The following HK1 variants were observed in gnomAD, a reference collection of about 807,000 sequenced individuals.
The protein encoded by HK1 is hexokinase 1.
A neutral mutation model predicts 91.6 loss-of-function variants in HK1; 28 were observed. The ratio of observed to expected loss-of-function variants is 0.31; its 90% CI spans 0.23 to 0.42. The LOEUF is 0.42. Ranked by LOEUF, HK1 falls within the 10% of genes least tolerant of loss-of-function variation. HK1 has a pLI of 1.00. For missense variants in HK1, 770 were observed against 1,219.8 expected (o/e 0.63, Z 5.49); for synonymous variants, 430 against 468.1 (o/e 0.92, Z 1.05).
At chr10:69,378,524 A>G (rs890741861) in intron 8 of HK1, among the ~76,000 whole-genome samples, 1 of 152,210 alleles carries the variant, frequency 6.6e-6, no homozygotes, top group Non-Finnish European at 1.5e-5. Flanking sequence ...TTATTTGCAA[A>G]TGGTAAAAGT....
Position 69,382,790 on chromosome 10 carries a change from C to A in HK1, c.1569C>A (p.Thr523=), listed in dbSNP as rs1000672130. The part of the protein sequence containing the change: ...PSFVRRTPDG[T]ENGDFLALDL... Reference sequence around the variant, plus strand: ...TCGTCCGGAGAACTCCCGACGGGACCGGTGAGGGCCTGCTGGGGGCTGACA... The same window carrying A: ...TCGTCCGGAGAACTCCCGACGGGACAGGTGAGGGCCTGCTGGGGGCTGACA... Residue 523 remains threonine (T), a splice_region_variant and synonymous_variant, in exon 10 of 18, where the codon ACC becomes ACA. Transcript: ENST00000359426. The A allele has an allele frequency of 1.2e-6, 2 of 1,610,030 alleles. No individual in the cohort carries two copies. Among genetic ancestry groups the A allele is most frequent in the South Asian group, 1.1e-5 (1 of 89,798 alleles).
At chr10:69,357,175 T>C (rs186836018) in intron 2 of HK1, among the ~76,000 whole-genome samples, 81 of 152,322 alleles carry the variant, frequency 5.3e-4, no homozygotes, top group African/African-American at 1.9e-3. Flanking sequence ...TTGACAGCGA[T>C]TCTTGTCCTA....
At chr10:69,340,521 G>T (rs1848235909) in intron 1 of HK1, among the ~76,000 whole-genome samples, 1 of 152,030 alleles carries the variant, frequency 6.6e-6, no homozygotes, top group Admixed American at 6.6e-5. Flanking sequence ...AAGTTCTGGG[G>T]TTACAGGCAT....
chr10:69,369,357 C>A lies in HK1; in HGVS notation c.691+21C>A. 1 of 1,613,204 alleles carries A rather than the reference C, an allele frequency of 6.2e-7. No individual in the cohort carries two copies. The highest frequency in any genetic ancestry group is 1.1e-5 in the South Asian group (1 of 91,052). On this transcript the variant is annotated intron_variant, in intron 6 of 17. Transcript: ENST00000359426. The surrounding 1 kb of genome is among the most constrained non-coding windows in gnomAD (Gnocchi z 4.4). ...CATCGGTAATGCATTCCCCTTTGCC[C>A]ATCCATTTGTTCGGCCCATCTTTCC...
chr10:69,283,635 G>A (rs112309554), intron 2 of HK1, among the ~76,000 whole-genome samples: 15,884 of 150,554 alleles, frequency 0.11, 1,611 homozygotes, highest in African/African-American at 0.26. Context: ...ACAAAAATTA[G>A]CCAGGCATGG....
chr10:69,350,188 G>A (rs537133244), intron 2 of HK1, among the ~76,000 whole-genome samples: 6 of 152,296 alleles, frequency 3.9e-5, no homozygotes, highest in Admixed American at 6.5e-5. Context: ...AATCACGATG[G>A]ACAAGATGGG....
At position 69,386,328 on chromosome 10, in the gene HK1, C is replaced by G; in HGVS notation, c.1845C>G (p.Ile615Met). 2 of 1,613,634 alleles carry G rather than the reference C, an allele frequency of 1.2e-6. No individual in the cohort carries two copies. The highest frequency in any genetic ancestry group is 1.7e-6 in the Non-Finnish European group (2 of 1,179,584). ...PCQQTSLDAG[I>M]LITWTKGFKA... ...TGGTGCTTTTTATGTTGTAGGGAAT[C>G]TTGATCACGTGGACAAAGGGTTTTA... Residue 615 changes from isoleucine (I) to methionine (M), a missense_variant, in exon 13 of 18, where the codon ATC (isoleucine) becomes ATG (methionine). Ile to Met is a conservative substitution (Grantham distance 10). Transcript: ENST00000359426.
At chr10:69,319,717 T>C (rs1846895778) in intron 1 of HK1, among the ~76,000 whole-genome samples, 1 of 152,252 alleles carries the variant, frequency 6.6e-6, no homozygotes, top group Non-Finnish European at 1.5e-5. Context: ...TGGACGCCTG[T>C]GGCATGCTTG....
intron 1 of HK1, among the ~76,000 whole-genome samples, chr10:69,331,095 G>C (rs984516727): frequency 7.9e-5 from 12 of 152,098 alleles, no homozygotes; most frequent in African/African-American, 2.7e-4. Flanking sequence ...GACTAGACTG[G>C]TCTCGAACTC....
chr10:69,297,026 G>A (rs2132483754), intron 4 of HK1, among the ~76,000 whole-genome samples: 1 of 152,238 alleles, frequency 6.6e-6, no homozygotes. Context: ...CAATGAGGGG[G>A]TTATGGACAC....
chr10:69,399,578 T>G (rs1840294596), intron 17 of HK1, among the ~76,000 whole-genome samples: 1 of 152,050 alleles, frequency 6.6e-6, no homozygotes, highest in African/African-American at 2.4e-5. Context: ...TTGCTAAGAC[T>G]TGGAAGGGCG....
upstream of HK1, among the ~76,000 whole-genome samples, chr10:69,312,573 G>A (rs1846428005): frequency 6.6e-6 from 1 of 151,970 alleles, no homozygotes; most frequent in African/African-American, 2.4e-5. Context: ...AAGCTGGTAA[G>A]GAGATGGGGA....
intron 1 of HK1, among the ~76,000 whole-genome samples, chr10:69,276,114 A>ATATATAT (rs1564746767): frequency 7.4e-5 from 3 of 40,578 alleles, no homozygotes; most frequent in South Asian, 2.2e-3. Flanking sequence ...AAAAAAAAAA[A>ATATATAT]AAAAATACAT....
At chr10:69,289,374 T>C (rs758209857) in intron 3 of HK1, among the ~76,000 whole-genome samples, 4 of 152,034 alleles carry the variant, frequency 2.6e-5, no homozygotes, top group Non-Finnish European at 4.4e-5. Context: ...AAATAGGAGT[T>C]TGGCTTTTTC....
In HK1 at chr10:69,376,995, A is replaced by G. The variant is rs764735675; in HGVS notation, c.937A>G (p.Met313Val). The G allele has an allele frequency of 1.9e-6, 3 of 1,614,062 alleles. No individual in the cohort carries two copies. The highest frequency in any genetic ancestry group is 2.7e-5 in the African/African-American group (2 of 74,912). The change falls in exon 8 of 18, where the codon ATG becomes GTG. Residue 313 changes from methionine to valine, a missense_variant. Physicochemically the swap from Met to Val is conservative, Grantham distance 21 (BLOSUM62 1). Around this residue, in one of 7 missense-constraint regions of HK1, gnomAD observed 449 missense variants for 665.1 expected, o/e 0.68. Transcript: ENST00000359426. ...GCTGGTTCGACTGATCCTAGTCAAGATGGCCAAGGAGGGCCTCTTATTTGA... is the reference window on the plus strand; with the variant it reads ...GCTGGTTCGACTGATCCTAGTCAAGGTGGCCAAGGAGGGCCTCTTATTTGA... ...GELVRLILVK[M>V]AKEGLLFEGR...
At position 69,401,544 on chromosome 10, in the gene HK1, C is replaced by T; in HGVS notation, c.*409C>T. On this transcript the variant is annotated 3_prime_UTR_variant, in exon 18 of 18. Coordinates refer to ENST00000359426, the MANE Select transcript of HK1 (RefSeq NM_000188.3). The stretch of plus-strand genomic sequence containing the variant: ...CCTCCCTGTGTGAAATGTATTATCA[C>T]CAGCAGACACTGCCGGGCCTCCCTC... 2.9e-6 allele frequency: 1 copy of T among 350,240 alleles called. No individual in the cohort carries two copies. Among genetic ancestry groups the T allele is most frequent in the South Asian group, 2.2e-5 (1 of 45,510 alleles). The allele number at this position is 350,240 out of a possible 1,614,324, so 21.7% of individuals were successfully genotyped here.
intron 3 of HK1, among the ~76,000 whole-genome samples, chr10:69,291,643 C>A (rs1319346198): frequency 6.6e-6 from 1 of 152,182 alleles, no homozygotes; most frequent in Non-Finnish European, 1.5e-5. Context: ...TACCCACCAT[C>A]AAGCTCAAGG....
At chr10:69,288,876 T>G (rs973993501) in intron 3 of HK1, 2 of 948,006 alleles carry the variant, frequency 2.1e-6, no homozygotes, top group Admixed American at 4.0e-5. Context: ...AACCTCTGCC[T>G]CCCGGGTTCA....
intron 14 of HK1, among the ~76,000 whole-genome samples, chr10:69,391,017 G>A (rs1420611299): frequency 6.6e-6 from 1 of 152,216 alleles, no homozygotes; most frequent in Non-Finnish European, 1.5e-5. Flanking sequence ...TCATGGGCTG[G>A]AACAGCAAAC....
Sources: gnomAD v4.1 joint callset for allele counts (sites outside exome capture counted in the v4.1 genomes callset) on GRCh38, gnomAD v4.1.1 for gene constraint, gnomAD v4.1.1 regional missense constraint, Gnocchi (gnomAD v3.1) non-coding constraint, MANE v1.5 for transcripts, NCBI Gene and HGNC (gene_info 2026-07-23, HGNC 2026-07-21) for gene names.